EYS: variants seen among roughly 807,000 people sequenced by gnomAD.
EYS encodes the protein protein eyes shut homolog.
A neutral mutation model predicts 282.1 loss-of-function variants in EYS; 250 were observed. The observed-to-expected ratio is 0.89, with a 90% CI of 0.80 to 0.98. EYS has a LOEUF of 0.98. EYS is among the 50% of genes least tolerant of loss of function. EYS has a pLI of 0.00. For synonymous variants in EYS, 1,355 were observed against 1,282.9 expected (o/e 1.06, Z -1.20); for missense variants, 4,016 against 3,709.0 (o/e 1.08, Z -2.15).
intron 10 of EYS, among the ~76,000 whole-genome samples, chr6:65,339,355 G>A (rs1047025332): frequency 8.6e-5 from 13 of 151,148 alleles, no homozygotes; most frequent in South Asian, 6.2e-4. Flanking sequence ...TGTTGGTTTC[G>A]CTTTCCATGA....
chr6:64,364,984 T>C (rs540545628), intron 29 of EYS, among the ~76,000 whole-genome samples: 27 of 152,148 alleles, frequency 1.8e-4, no homozygotes, highest in Non-Finnish European at 3.5e-4. Context: ...TTGTTTTTTT[T>C]ACTCTTCGAG....
At chr6:65,018,423 T>C (rs945115488) in intron 13 of EYS, among the ~76,000 whole-genome samples, 2 of 152,204 alleles carry the variant, frequency 1.3e-5, no homozygotes, top group South Asian at 2.1e-4. Context: ...TCTCTCTCAA[T>C]ATTTGTCTGT....
chr6:64,119,759 C>CT (rs1395603215), intron 31 of EYS, among the ~76,000 whole-genome samples: 6 of 152,156 alleles, frequency 3.9e-5, no homozygotes, highest in African/African-American at 1.4e-4. Flanking sequence ...TTATAAAGGG[C>CT]TTTTCACGTA....
chr6:64,541,596 A>C (rs1764697019), intron 26 of EYS, among the ~76,000 whole-genome samples: 1 of 151,936 alleles, frequency 6.6e-6, no homozygotes, highest in Non-Finnish European at 1.5e-5. Flanking sequence ...TTCTTCACGT[A>C]TTACTAAAGT....
chr6:64,203,684 T>G (rs140044663), intron 31 of EYS, among the ~76,000 whole-genome samples: 1 of 152,270 alleles, frequency 6.6e-6, no homozygotes, highest in African/African-American at 2.4e-5. Flanking sequence ...AATAAAAAGA[T>G]TGTATGTTAA....
chr6:64,819,039 T>C (rs1328025960), intron 21 of EYS, among the ~76,000 whole-genome samples: 1 of 152,192 alleles, frequency 6.6e-6, no homozygotes, highest in Non-Finnish European at 1.5e-5. Context: ...ACCCGAGTGC[T>C]CTTTTCAGTT....
At chr6:65,531,711 A>G (rs7776123) in intron 2 of EYS, among the ~76,000 whole-genome samples, 63,573 of 152,046 alleles carry the variant, frequency 0.42, 14,174 homozygotes, top group African/African-American at 0.58. Flanking sequence ...GAATTTGTGG[A>G]CTGGGTGCCA....
intron 4 of EYS, among the ~76,000 whole-genome samples, chr6:65,491,922 T>C (rs1351099772): frequency 6.6e-6 from 1 of 152,054 alleles, no homozygotes; most frequent in Non-Finnish European, 1.5e-5. Context: ...CACAGATACA[T>C]ACAGAGAAAT....
intron 12 of EYS, among the ~76,000 whole-genome samples, chr6:65,225,912 GAAAACCCACA>G (rs937285830): frequency 6.6e-6 from 1 of 151,736 alleles, no homozygotes; most frequent in African/African-American, 2.4e-5. Flanking sequence ...GAGCATTTGT[GAAAACCCACA>G]AATATATTAT....
At chr6:65,472,232 A>G (rs964479938) in intron 5 of EYS, among the ~76,000 whole-genome samples, 1 of 152,122 alleles carries the variant, frequency 6.6e-6, no homozygotes, top group African/African-American at 2.4e-5. Flanking sequence ...TGTAATTATA[A>G]CAAAATATTT....
chr6:64,227,032 G>T (rs1170448433), intron 31 of EYS, among the ~76,000 whole-genome samples: 1 of 152,048 alleles, frequency 6.6e-6, no homozygotes, highest in Non-Finnish European at 1.5e-5. Flanking sequence ...GGCTTGGGAA[G>T]AAAAATCAGT....
At chr6:65,292,721 A>C (rs1265442455) in intron 12 of EYS, among the ~76,000 whole-genome samples, 1 of 151,750 alleles carries the variant, frequency 6.6e-6, no homozygotes, top group Non-Finnish European at 1.5e-5. Context: ...TGAAATGCAA[A>C]CGTGGTTGAA....
chr6:64,668,367 A>T (rs1043396884), intron 22 of EYS, among the ~76,000 whole-genome samples: 1 of 152,126 alleles, frequency 6.6e-6, no homozygotes, highest in Admixed American at 6.6e-5. Context: ...ATACTTCACA[A>T]AAAGGTCCCC....
In EYS at chr6:64,184,462, T is replaced by C. The variant is rs190894550; in HGVS notation, c.6424+46130A>G. 2.0e-5 allele frequency among the ~76,000 whole-genome samples: 3 copies of C among 152,264 alleles called. No homozygotes were observed. In the East Asian group the frequency reaches 5.8e-4, roughly 29 times the overall value. ...CTAGCATGTTAAATACCCACTTCAC[T>C]TCTGTAAGTAAGAAAAAGCTCTGAG... On this transcript the variant is annotated intron_variant, in intron 31 of 42. Transcript: ENST00000503581.
chr6:64,296,567 TATATATATATATATATACA>T (rs1769008892), intron 30 of EYS, among the ~76,000 whole-genome samples: 1 of 6,782 alleles, frequency 1.5e-4, no homozygotes, highest in African/African-American at 7.1e-4. Context: ...TATATATATA[TATATATATATATATATACA>T]TATATATATA....
chr6:64,026,575 G>A (rs1240803219), intron 33 of EYS, among the ~76,000 whole-genome samples: 2 of 152,152 alleles, frequency 1.3e-5, no homozygotes, highest in Admixed American at 1.3e-4. Flanking sequence ...AAGTGGGAAG[G>A]CAAATGGAGT....
chr6:65,331,582 T>G (rs2150311321), intron 11 of EYS: 1 of 975,212 alleles, frequency 1.0e-6, no homozygotes, highest in Non-Finnish European at 1.2e-6. Context: ...TACAAAAATT[T>G]TGTAATTTAT....
intron 12 of EYS, among the ~76,000 whole-genome samples, chr6:65,270,847 A>G (rs1767879879): frequency 6.6e-6 from 1 of 151,840 alleles, no homozygotes; most frequent in African/African-American, 2.4e-5. Context: ...CTGAGACCAT[A>G]ATGGCAGCCA....
intron 5 of EYS, among the ~76,000 whole-genome samples, chr6:65,448,386 C>T (rs766886302): frequency 5.9e-5 from 9 of 151,654 alleles, no homozygotes; most frequent in Non-Finnish European, 1.3e-4. Flanking sequence ...TATGATTAGC[C>T]CAAACTGTAA....
Sources: gnomAD v4.1 joint callset for allele counts (sites outside exome capture counted in the v4.1 genomes callset) on GRCh38, gnomAD v4.1.1 for gene constraint, MANE v1.5 for transcripts, NCBI Gene and HGNC (gene_info 2026-07-23, HGNC 2026-07-21) for gene names.